MIPOL1: variants seen among roughly 807,000 people sequenced by gnomAD.
MIPOL1 encodes mirror-image polydactyly gene 1 protein.
In MIPOL1, 57 loss-of-function variants were observed where a neutral mutation model predicts 60.9. That is an observed-to-expected ratio of 0.94 (90% confidence interval 0.76 to 1.17). The LOEUF (loss-of-function observed/expected upper bound fraction) is 1.17, where lower values mean the gene tolerates loss of function less well. Among genes scored for constraint, MIPOL1 ranks in the 50% most tolerant of loss-of-function variants. The pLI is 0.00. For synonymous variants in MIPOL1, 179 were observed against 168.8 expected (o/e 1.06, Z -0.47); for missense variants, 551 against 511.6 (o/e 1.08, Z -0.74).
chr14:37,377,115 G>C (rs1048572941), intron 10 of MIPOL1, among the ~76,000 whole-genome samples: 6 of 152,030 alleles, frequency 3.9e-5, no homozygotes, highest in African/African-American at 1.4e-4. Context: ...CTTCTACCCG[G>C]GAAGGAGTCA....
chr14:37,354,965 T>G (rs1267024933), intron 9 of MIPOL1, among the ~76,000 whole-genome samples: 3 of 83,958 alleles, frequency 3.6e-5, no homozygotes, highest in African/African-American at 8.9e-5. Context: ...GTTAGCTGGT[T>G]ATTTTGCTCG....
At chr14:37,545,693 TA>T in intron 12 of MIPOL1, 1 of 653,426 alleles carries the variant, frequency 1.5e-6, no homozygotes, top group Non-Finnish European at 2.7e-6. Flanking sequence ...AATCATCCAA[TA>T]AACTTCAGCT....
At chr14:37,477,594 A>G (rs2094796824) in intron 11 of MIPOL1, among the ~76,000 whole-genome samples, 1 of 152,208 alleles carries the variant, frequency 6.6e-6, no homozygotes, top group Non-Finnish European at 1.5e-5. Flanking sequence ...TTCAAAGTGT[A>G]AAACTTTTTG....
intron 9 of MIPOL1, among the ~76,000 whole-genome samples, chr14:37,339,648 A>T (rs1415536116): frequency 6.6e-6 from 1 of 152,070 alleles, no homozygotes; most frequent in Non-Finnish European, 1.5e-5. Context: ...TATTTAGCAT[A>T]AAAAGCATGA....
intron 11 of MIPOL1, among the ~76,000 whole-genome samples, chr14:37,493,281 G>A (rs2153607453): frequency 6.6e-6 from 1 of 152,216 alleles, no homozygotes; most frequent in African/African-American, 2.4e-5. Flanking sequence ...TGAACAGGTA[G>A]GCAGACAAGT....
At chr14:37,364,764 T>A (rs1006296442) in intron 9 of MIPOL1, among the ~76,000 whole-genome samples, 4 of 152,204 alleles carry the variant, frequency 2.6e-5, no homozygotes, top group African/African-American at 4.8e-5. Flanking sequence ...GTGAAGAATG[T>A]CATTGTTATT....
chr14:37,453,541 G>T (rs905529308), intron 11 of MIPOL1, among the ~76,000 whole-genome samples: 1 of 151,990 alleles, frequency 6.6e-6, no homozygotes, highest in Non-Finnish European at 1.5e-5. Flanking sequence ...GCTTGACTCT[G>T]AGTAATTATT....
At chr14:37,349,277 T>C (rs7156514) in intron 9 of MIPOL1, among the ~76,000 whole-genome samples, 151,243 of 152,282 alleles carry the variant, frequency 0.99, 75,115 homozygotes, top group Middle Eastern at 1. Flanking sequence ...CGTGAGCCAC[T>C]GCACCCGGCC....
Position 37,247,779 on chromosome 14 carries a change from T to A in MIPOL1, c.-60-50T>A, listed in dbSNP as rs112221146. The A allele has an allele frequency of 1.2e-3, 1,268 of 1,042,092 alleles. 9 individuals are homozygous for A. The African/African-American group carries it at 0.018, about 15-fold the overall frequency. 64.6% of individuals were successfully genotyped at this position (1,042,092 alleles called of 1,614,324 possible). On this transcript the variant is annotated intron_variant, in intron 2 of 12. Coordinates refer to ENST00000684589, the MANE Select transcript of MIPOL1 (RefSeq NM_001388067.1). ...TAAACAAAGGTAAGATTTAGGTGTG[T>A]TCTGATATATTGTTTTCAGTTTATT...
intron 1 of MIPOL1, among the ~76,000 whole-genome samples, chr14:37,245,864 G>A (rs1308484423): frequency 1.3e-5 from 2 of 152,074 alleles, no homozygotes; most frequent in Non-Finnish European, 2.9e-5. Flanking sequence ...GCTTCTGAAA[G>A]TTAGTTGTGA....
chr14:37,351,154 C>T (rs1213302697), intron 9 of MIPOL1, among the ~76,000 whole-genome samples: 2 of 144,270 alleles, frequency 1.4e-5, no homozygotes, highest in East Asian at 2.1e-4. Context: ...TGAGAATATG[C>T]GGTGTTTGGT....
intron 11 of MIPOL1, among the ~76,000 whole-genome samples, chr14:37,433,343 T>C (rs2094107779): frequency 6.6e-6 from 1 of 152,044 alleles, no homozygotes; most frequent in Admixed American, 6.6e-5. Flanking sequence ...CTACATTAGG[T>C]ATTTCTCCTA....
At chr14:37,393,120 A>G (rs1268525927) in intron 10 of MIPOL1, among the ~76,000 whole-genome samples, 1 of 152,084 alleles carries the variant, frequency 6.6e-6, no homozygotes, top group African/African-American at 2.4e-5. Context: ...CAAGCCAAGG[A>G]ATGTGAAAGA....
At chr14:37,375,882 G>C (rs896116608) in intron 10 of MIPOL1, among the ~76,000 whole-genome samples, 1 of 151,954 alleles carries the variant, frequency 6.6e-6, no homozygotes, top group Non-Finnish European at 1.5e-5. Context: ...GCTTTCTGTA[G>C]TTTTCTGTCA....
At chr14:37,317,073 T>A (rs1201315806) in intron 9 of MIPOL1, among the ~76,000 whole-genome samples, 1 of 152,172 alleles carries the variant, frequency 6.6e-6, no homozygotes, top group South Asian at 2.1e-4. Flanking sequence ...AACATAAGTA[T>A]AAGAATTGGC....
chr14:37,411,683 G>A (rs1269803257), intron 10 of MIPOL1, among the ~76,000 whole-genome samples: 4 of 152,114 alleles, frequency 2.6e-5, no homozygotes, highest in Non-Finnish European at 5.9e-5. Flanking sequence ...TGTTACAATA[G>A]CAGTTGTTTC....
intron 7 of MIPOL1, among the ~76,000 whole-genome samples, chr14:37,288,069 C>T (rs1179421030): frequency 1.3e-5 from 2 of 152,168 alleles, no homozygotes; most frequent in Admixed American, 1.3e-4. Context: ...AGCCTGGGAG[C>T]TCAGATTCAC....
chr14:37,483,509 G>GT (rs1271405115), intron 11 of MIPOL1, among the ~76,000 whole-genome samples: 9 of 152,100 alleles, frequency 5.9e-5, no homozygotes, highest in Admixed American at 3.9e-4. Context: ...AGGGCCAACT[G>GT]TATGTCCATA....
intron 10 of MIPOL1, among the ~76,000 whole-genome samples, chr14:37,381,157 A>T (rs1348048627): frequency 6.6e-6 from 1 of 152,044 alleles, no homozygotes; most frequent in Non-Finnish European, 1.5e-5. Context: ...TAAGACTCTC[A>T]GTGTTCCCAG....
Sources: gnomAD v4.1 joint callset for allele counts (sites outside exome capture counted in the v4.1 genomes callset) on GRCh38, gnomAD v4.1.1 for gene constraint, MANE v1.5 for transcripts, NCBI Gene and HGNC (gene_info 2026-07-23, HGNC 2026-07-21) for gene names.